The following FHIP1A variants were observed in gnomAD, a reference collection of about 807,000 sequenced individuals.
FHIP1A encodes FHF complex subunit HOOK-interacting protein 1A.
FHIP1A carries 61 observed loss-of-function variants against 88.6 expected under a neutral mutation model. The observed-to-expected ratio is 0.69, with a 90% CI of 0.56 to 0.85. FHIP1A has a LOEUF of 0.85. Ranked by LOEUF, FHIP1A falls within the 40% of genes least tolerant of loss-of-function variation. The pLI, the probability that FHIP1A is intolerant of heterozygous loss-of-function variation, is 0.00. For synonymous variants in FHIP1A, 478 were observed against 496.0 expected (o/e 0.96, Z 0.48); for missense variants, 1,154 against 1,273.5 (o/e 0.91, Z 1.43).
chr4:151,607,675 G>A (rs975281234), intron 7 of FHIP1A, among the ~76,000 whole-genome samples: 2 of 152,174 alleles, frequency 1.3e-5, no homozygotes, highest in Non-Finnish European at 2.9e-5. Flanking sequence ...TGTGCCTGTG[G>A]CAGGTATTCT....
intron 7 of FHIP1A, 113 bp from the exon 8 acceptor site, chr4:151,629,589 G>T (rs1736073325): frequency 1.2e-6 from 1 of 848,006 alleles, no homozygotes; most frequent in Non-Finnish European, 1.8e-6. Context: ...TTCGTGGGCA[G>T]GCATGTTCTT....
chr4:151,552,531 A>G (rs923093681), intron 3 of FHIP1A, among the ~76,000 whole-genome samples: 6 of 152,210 alleles, frequency 3.9e-5, no homozygotes, highest in Admixed American at 3.3e-4. Context: ...TTGCAGGGAC[A>G]TGGATGAAGC....
rs556205918 is a variant in FHIP1A, at chr4:151,583,570, A to G, written c.733-3071A>G. ...TGAAAATTAATGTTGCTATAATTAT[A>G]TTGATATACTGAGTAGTTATTCCCA... On this transcript the variant is annotated intron_variant, in intron 5 of 13. Transcript: ENST00000435205. Among the ~76,000 whole-genome samples the G allele has an allele frequency of 2.6e-5, 4 of 152,330 alleles. No homozygotes were observed. The East Asian group carries it at 5.8e-4, about 22-fold the overall frequency.
At chr4:151,623,795 C>G (rs1735843314) in intron 7 of FHIP1A, among the ~76,000 whole-genome samples, 1 of 152,100 alleles carries the variant, frequency 6.6e-6, no homozygotes, top group African/African-American at 2.4e-5. Context: ...TCTCCTTTTT[C>G]TGAAAACCAC....
chr4:151,574,320 A>T (rs1329210384), intron 4 of FHIP1A, among the ~76,000 whole-genome samples: 1 of 152,252 alleles, frequency 6.6e-6, no homozygotes, highest in Non-Finnish European at 1.5e-5. Flanking sequence ...GCTTCAGTTT[A>T]AAAGCTGCTA....
At chr4:151,471,321 A>T (rs1379436894) in intron 2 of FHIP1A, among the ~76,000 whole-genome samples, 1 of 114,488 alleles carries the variant, frequency 8.7e-6, no homozygotes, top group Non-Finnish European at 1.9e-5. Context: ...TATTTTTTCC[A>T]ATAAGGAAAA....
chr4:151,496,716 C>CTTTT (rs58538673), intron 3 of FHIP1A, among the ~76,000 whole-genome samples: 3 of 102,462 alleles, frequency 2.9e-5, no homozygotes, highest in African/African-American at 4.0e-5. Flanking sequence ...CCACGTCCAG[C>CTTTT]TTTTTTTTTT....
Position 151,669,695 on chromosome 4 carries a change from A to T in FHIP1A, c.*6941A>T, listed in dbSNP as rs1737790298. ...TACTTTAGACCCAGTAGTTTTCAGGACCGCAACAGGATGCGGGGCACCTGG... is the reference window on the plus strand; with the variant it reads ...TACTTTAGACCCAGTAGTTTTCAGGTCCGCAACAGGATGCGGGGCACCTGG... On this transcript the variant is annotated 3_prime_UTR_variant, in exon 14 of 14. Coordinates refer to ENST00000435205, the MANE Select transcript of FHIP1A (RefSeq NM_001109977.3). 1 of 152,172 alleles carries T rather than the reference A, an allele frequency of 6.6e-6. No individual in the cohort carries two copies. The allele number at this position is 152,172 out of a possible 1,614,324, so 9.4% of individuals were successfully genotyped here.
At chr4:151,553,498 A>T (rs1732825125) in intron 3 of FHIP1A, among the ~76,000 whole-genome samples, 1 of 152,196 alleles carries the variant, frequency 6.6e-6, no homozygotes, top group Non-Finnish European at 1.5e-5. Context: ...TTAAGTGATT[A>T]ATATTTAGTG....
intron 1 of FHIP1A, among the ~76,000 whole-genome samples, chr4:151,439,977 A>G (rs1395788145): frequency 1.3e-5 from 2 of 152,206 alleles, no homozygotes; most frequent in Admixed American, 6.5e-5. Context: ...TCACATTGCT[A>G]TGAAGAAATA....
intron 1 of FHIP1A, among the ~76,000 whole-genome samples, chr4:151,421,206 T>C (rs940513016): frequency 4.6e-5 from 7 of 152,252 alleles, no homozygotes; most frequent in Non-Finnish European, 8.8e-5. Context: ...GAGATCAATA[T>C]GGAAAATGAG....
At chr4:151,489,388 G>T (rs1596290) in intron 3 of FHIP1A, among the ~76,000 whole-genome samples, 76,758 of 151,918 alleles carry the variant, frequency 0.51, 19,657 homozygotes, top group Non-Finnish European at 0.55. Flanking sequence ...GCCACAGAGT[G>T]AAGGAAACTC....
At chr4:151,505,745 G>T (rs552141808) in intron 3 of FHIP1A, among the ~76,000 whole-genome samples, 14 of 152,180 alleles carry the variant, frequency 9.2e-5, no homozygotes, top group South Asian at 4.1e-4. Context: ...AGGAGGCTGA[G>T]AAGAAAGGAT....
chr4:151,550,660 A>G lies in FHIP1A; in HGVS notation c.-122-15478A>G, dbSNP rs1732694295. 2.0e-5 allele frequency among the ~76,000 whole-genome samples: 3 copies of G among 152,350 alleles called. No individual in the cohort carries two copies. The South Asian group carries it at 6.2e-4, about 32-fold the overall frequency. ...ACCATTTAAAAGATTTCTGAATTTA[A>G]AAAACTAATATTTTCCCTCTCTCTA... On this transcript the variant is annotated intron_variant, in intron 3 of 13. Transcript: ENST00000435205.
At chr4:151,410,277 T>C (rs1732565607) in intron 1 of FHIP1A, among the ~76,000 whole-genome samples, 1 of 152,218 alleles carries the variant, frequency 6.6e-6, no homozygotes. Context: ...CAGCCCCAGC[T>C]ATCCAGGGAC....
intron 1 of FHIP1A, among the ~76,000 whole-genome samples, chr4:151,451,418 G>C (rs1176837390): frequency 6.6e-6 from 1 of 152,072 alleles, no homozygotes; most frequent in Non-Finnish European, 1.5e-5. Flanking sequence ...TGAGCAAGCA[G>C]GAGTTCATTT....
chr4:151,430,502 G>A (rs1733550882), intron 1 of FHIP1A, among the ~76,000 whole-genome samples: 1 of 152,054 alleles, frequency 6.6e-6, no homozygotes, highest in Non-Finnish European at 1.5e-5. Flanking sequence ...ATCCTTTTTT[G>A]TACTAGGTAC....
At chr4:151,526,494 C>G (rs1349893948) in intron 3 of FHIP1A, among the ~76,000 whole-genome samples, 1 of 144,266 alleles carries the variant, frequency 6.9e-6, no homozygotes, top group East Asian at 2.1e-4. Flanking sequence ...GGCTGACCCC[C>G]CCACCTCCCT....
At chr4:151,658,096 A>T (rs1056347934) in intron 13 of FHIP1A, among the ~76,000 whole-genome samples, 6 of 152,148 alleles carry the variant, frequency 3.9e-5, no homozygotes, top group African/African-American at 1.4e-4. Context: ...GCATTCATGG[A>T]GGGAAAGAAG....
Sources: allele counts gnomAD v4.1 joint callset (sites outside exome capture counted in the v4.1 genomes callset), GRCh38; gene constraint gnomAD v4.1.1; transcripts MANE v1.5; gene names NCBI Gene and HGNC (gene_info 2026-07-23, HGNC 2026-07-21).